TAB2: variants seen among roughly 807,000 people sequenced by gnomAD.
TAB2 encodes the protein TGF-beta activated kinase 1 (MAP3K7) binding protein 2.
In TAB2, 3 loss-of-function variants were observed where a neutral mutation model predicts 65.0. The observed-to-expected ratio is 0.05, with a 90% confidence interval of 0.02 to 0.12. TAB2 has a LOEUF of 0.12. TAB2 is among the 10% of genes least tolerant of loss of function. The pLI is 1.00. For synonymous variants in TAB2, 298 were observed against 285.1 expected (o/e 1.05, Z -0.46); for missense variants, 623 against 840.3 (o/e 0.74, Z 3.20).
upstream of TAB2, chr6:149,317,483 G>A (rs1320402565): frequency 8.6e-5 from 14 of 162,622 alleles, no homozygotes; most frequent in East Asian, 1.9e-4. This position sits in a 1 kb window ranked among gnomAD's most constrained non-coding sequence, Gnocchi z 4.7. Flanking sequence ...CGTCACAGCC[G>A]CCGCCTCAGC....
chr6:149,407,727 T>C (rs949708887), intron 6 of TAB2, among the ~76,000 whole-genome samples: 11 of 152,120 alleles, frequency 7.2e-5, no homozygotes, highest in African/African-American at 2.6e-4. Flanking sequence ...TGTGATCTAA[T>C]TTCCTCTTTT....
At chr6:149,232,111 A>G (rs1421661006) in intron 1 of TAB2, among the ~76,000 whole-genome samples, 1 of 152,214 alleles carries the variant, frequency 6.6e-6, no homozygotes, top group Non-Finnish European at 1.5e-5. Flanking sequence ...CGTGCGCTAG[A>G]AAGAGAAGAA....
intron 1 of TAB2, among the ~76,000 whole-genome samples, chr6:149,308,951 C>T (rs1779118776): frequency 6.6e-6 from 1 of 152,092 alleles, no homozygotes; most frequent in African/African-American, 2.4e-5. Flanking sequence ...CCATGAGGGC[C>T]AGACCATCTT....
intron 1 of TAB2, among the ~76,000 whole-genome samples, chr6:149,288,145 C>T (rs1778711420): frequency 6.6e-6 from 1 of 152,170 alleles, no homozygotes; most frequent in Non-Finnish European, 1.5e-5. Flanking sequence ...GCTCAAGACA[C>T]TTTACAAAAT....
chr6:149,247,454 A>G (rs1777745851), intron 1 of TAB2: 1 of 152,126 alleles, frequency 6.6e-6, no homozygotes, highest in African/African-American at 2.4e-5. Context: ...TCAGCCAAAC[A>G]CACTCCTTTA....
At chr6:149,315,447 C>A (rs187842133), upstream of TAB2, among the ~76,000 whole-genome samples, 81 of 152,212 alleles carry the variant, frequency 5.3e-4, no homozygotes, top group African/African-American at 1.8e-3. Context: ...TCACATATAT[C>A]ATGTTCTTTT....
Position 149,317,941 on chromosome 6 carries a change from A to C in TAB2, c.-164A>C, listed in dbSNP as rs1369405868. ...GCCGTGGTGGCGGAGGCGACGGTGG[A>C]GACGGCTGCCCTAGTGGGAGAGGCG... On this transcript the variant is annotated 5_prime_UTR_variant, in exon 1 of 7. Transcript: ENST00000637181. This position sits in a 1 kb window ranked among gnomAD's most constrained non-coding sequence, Gnocchi z 4.7. 6 of 169,760 alleles carry C rather than the reference A, an allele frequency of 3.5e-5. No individual in the cohort carries two copies. The Admixed American group carries it at 4.0e-4, about 11-fold the overall frequency. The allele number at this position is 169,760 out of a possible 1,614,324, so 10.5% of individuals were successfully genotyped here. A position where few individuals can be genotyped will look rare whatever the true frequency, so the allele number is the denominator to read the frequency against.
intron 1 of TAB2, among the ~76,000 whole-genome samples, chr6:149,239,383 T>C (rs1487968460): frequency 6.6e-6 from 1 of 152,150 alleles, no homozygotes; most frequent in African/African-American, 2.4e-5. Flanking sequence ...GCTAAGCCAT[T>C]TGATGGGCAG....
At chr6:149,341,807 CACA>C (rs1387829560) in intron 1 of TAB2, among the ~76,000 whole-genome samples, 1 of 152,014 alleles carries the variant, frequency 6.6e-6, no homozygotes, top group African/African-American at 2.4e-5. Context: ...TTACAGTTTT[CACA>C]ACATCTATGA....
intron 1 of TAB2, among the ~76,000 whole-genome samples, chr6:149,333,707 TAGTG>T (rs1476523167): frequency 4.6e-5 from 5 of 109,788 alleles, no homozygotes; most frequent in Admixed American, 8.9e-5. Flanking sequence ...TCCAGATCCA[TAGTG>T]TGTGTGTGTG....
intron 2 of TAB2, among the ~76,000 whole-genome samples, chr6:149,377,754 A>G (rs559510509): frequency 6.6e-6 from 1 of 152,268 alleles, no homozygotes; most frequent in South Asian, 2.1e-4. Context: ...GTCTGAATCC[A>G]TTTTACTCCT....
At chr6:149,311,190 C>A (rs538733710) in intron 1 of TAB2, among the ~76,000 whole-genome samples, 1 of 152,336 alleles carries the variant, frequency 6.6e-6, no homozygotes, top group African/African-American at 2.4e-5. Flanking sequence ...CTACATTTTT[C>A]CTACAGTTCT....
At chr6:149,351,308 A>G (rs1376658325) in intron 1 of TAB2, among the ~76,000 whole-genome samples, 2 of 152,150 alleles carry the variant, frequency 1.3e-5, no homozygotes, top group Non-Finnish European at 1.5e-5. Flanking sequence ...CACTCCTACA[A>G]TATTCTGCAA....
At chr6:149,407,265 A>G (rs377506981) in intron 6 of TAB2, among the ~76,000 whole-genome samples, 3 of 152,064 alleles carry the variant, frequency 2.0e-5, no homozygotes, top group East Asian at 1.9e-4. Context: ...ACACTGAATG[A>G]TTTTCCTTAG....
chr6:149,397,460 A>G (rs1782211308), intron 3 of TAB2, 144 bp from the exon 4 acceptor site: 2 of 976,920 alleles, frequency 2.0e-6, no homozygotes, highest in Admixed American at 4.3e-5. Flanking sequence ...AAAAAAATTG[A>G]AATTTTAAAT....
At chr6:149,336,136 A>G (rs1033653079) in intron 1 of TAB2, among the ~76,000 whole-genome samples, 1 of 152,232 alleles carries the variant, frequency 6.6e-6, no homozygotes, top group African/African-American at 2.4e-5. Context: ...CATAGATTCT[A>G]GAACAGTGCC....
rs1478984058 is a variant in TAB2, at chr6:149,379,408, T to C, written c.1493T>C (p.Val498Ala). 5 of 1,614,062 alleles carry C rather than the reference T, an allele frequency of 3.1e-6. No individual in the cohort carries two copies. The African/African-American group carries it at 6.7e-5, about 22-fold the overall frequency. The change falls in exon 3 of 7, where the codon GTA becomes GCA. Residue 498 changes from valine to alanine, a missense_variant. Physicochemically the swap from Val to Ala is moderately conservative, Grantham distance 64. Transcript: ENST00000637181. ...CTTCTTAATCATCCTGATCATTATGTAGAAACCGAGAATATTCAGCACCTC... is the reference window on the plus strand; with the variant it reads ...CTTCTTAATCATCCTGATCATTATGCAGAAACCGAGAATATTCAGCACCTC... The part of the protein sequence containing the change: ...TNLLNHPDHY[V>A]ETENIQHLTD...
chr6:149,303,587 T>G (rs1441645577), intron 1 of TAB2, among the ~76,000 whole-genome samples: 1 of 152,172 alleles, frequency 6.6e-6, no homozygotes, highest in African/African-American at 2.4e-5. Flanking sequence ...ATAGAATAAT[T>G]ATAGGTAATT....
At chr6:149,256,494 A>G (rs2114662582) in intron 1 of TAB2, among the ~76,000 whole-genome samples, 1 of 152,312 alleles carries the variant, frequency 6.6e-6, no homozygotes, top group Middle Eastern at 3.4e-3. Flanking sequence ...CTTTCTTTAT[A>G]TGAAGAAGAG....
Sources: gnomAD v4.1 joint callset for allele counts (sites outside exome capture counted in the v4.1 genomes callset) on GRCh38, gnomAD v4.1.1 for gene constraint, Gnocchi (gnomAD v3.1) non-coding constraint, MANE v1.5 for transcripts, NCBI Gene and HGNC (gene_info 2026-07-23, HGNC 2026-07-21) for gene names.